Variants in RAVER2 observed in about 807,000 individuals in gnomAD.
RAVER2 encodes ribonucleoprotein, PTB binding 2.
Under a neutral mutation model 78.1 loss-of-function variants are expected in RAVER2, and 46 were observed. The observed-to-expected ratio is 0.59, with a 90% confidence interval of 0.46 to 0.75. The LOEUF is 0.75. RAVER2 is among the 30% of genes least tolerant of loss of function. RAVER2 has a pLI of 0.00. For missense variants in RAVER2, 793 were observed against 837.5 expected, an observed-to-expected ratio of 0.95 and a Z score of 0.66; for synonymous variants, 311 against 313.3, an observed-to-expected ratio of 0.99 and a Z score of 0.08.
chr1:64,780,857 G>A (rs867875673), intron 3 of RAVER2, among the ~76,000 whole-genome samples: 9 of 152,164 alleles, frequency 5.9e-5, no homozygotes, highest in African/African-American at 2.2e-4. Context: ...CTGGGACACA[G>A]TTTTCCTAAA....
At chr1:64,816,935 A>G (rs185030900) in intron 11 of RAVER2, among the ~76,000 whole-genome samples, 231 of 152,366 alleles carry the variant, frequency 1.5e-3, no homozygotes, top group Non-Finnish European at 1.5e-3. Context: ...GCTTCTGCAC[A>G]GCAAAAGAAA....
chr1:64,774,462 G>T (rs1051293260), intron 2 of RAVER2, among the ~76,000 whole-genome samples: 2 of 152,114 alleles, frequency 1.3e-5, no homozygotes, highest in African/African-American at 2.4e-5. Flanking sequence ...GTTTTGGCAG[G>T]TTTGTCAAAG....
intron 11 of RAVER2, among the ~76,000 whole-genome samples, chr1:64,822,181 G>A (rs765487624): frequency 3.3e-5 from 5 of 152,066 alleles, no homozygotes; most frequent in East Asian, 1.9e-4. Context: ...CCAGCTACTC[G>A]GGAGGCTGAG....
chr1:64,826,034 A>G (rs1054015580), intron 11 of RAVER2, among the ~76,000 whole-genome samples: 1 of 152,238 alleles, frequency 6.6e-6, no homozygotes, highest in Non-Finnish European at 1.5e-5. Flanking sequence ...TACGGTGTTC[A>G]GTTTTTCCAT....
chr1:64,814,406 CAT>C (rs1390742147), intron 10 of RAVER2, among the ~76,000 whole-genome samples: 2 of 152,040 alleles, frequency 1.3e-5, no homozygotes, highest in African/African-American at 4.8e-5. Context: ...CTCAGCCAGA[CAT>C]ATATGTTTTT....
Position 64,745,206 on chromosome 1 carries a change from G to T in RAVER2, c.34G>T (p.Gly12Trp), listed in dbSNP as rs867489141. 15 of 1,048,226 alleles carry T rather than the reference G, an allele frequency of 1.4e-5. No homozygotes were observed. The highest frequency in any genetic ancestry group is 8.8e-5 in the South Asian group (2 of 22,740). 64.9% of individuals were successfully genotyped at this position (1,048,226 alleles called of 1,614,324 possible). A position where few individuals can be genotyped will look rare whatever the true frequency, so the allele number is the denominator to read the frequency against. Residue 12 changes from glycine (G) to tryptophan (W), a missense_variant, in exon 1 of 12, where the codon GGG (glycine) becomes TGG (tryptophan). Physicochemically the swap from Gly to Trp is radical, Grantham distance 184. Transcript: ENST00000294428. The surrounding 1 kb of genome is among the most constrained non-coding windows in gnomAD (Gnocchi z 4.3). Reference sequence around the variant, plus strand: ...GGCGGCGGGAGACGGCGGCGGCGAGGGGGGCGCGGGCCTGGGCAGCGCGGC... The same window carrying T: ...GGCGGCGGGAGACGGCGGCGGCGAGTGGGGCGCGGGCCTGGGCAGCGCGGC...
At chr1:64,815,978 G>A (rs1235693780) in intron 11 of RAVER2, 2 of 152,096 alleles carry the variant, frequency 1.3e-5, no homozygotes, top group Non-Finnish European at 1.5e-5. Flanking sequence ...AACATTTGAA[G>A]TAATGACTTA....
chr1:64,814,731 A>C, exon 11 of RAVER2: 1 of 1,559,150 alleles, frequency 6.4e-7, no homozygotes, highest in Non-Finnish European at 8.7e-7. Context: ...ACTCTTCATA[A>C]GACTGGAATT....
chr1:64,788,565 G>A (rs1293576195), intron 4 of RAVER2, among the ~76,000 whole-genome samples: 1 of 150,384 alleles, frequency 6.6e-6, no homozygotes, highest in African/African-American at 2.4e-5. Flanking sequence ...AGGCCGAGGT[G>A]GTGGATCACA....
intron 11 of RAVER2, among the ~76,000 whole-genome samples, chr1:64,823,260 C>T (rs2100900530): frequency 6.6e-6 from 1 of 152,256 alleles, no homozygotes; most frequent in South Asian, 2.1e-4. Context: ...CAGATCAGAT[C>T]AGTTTTTCAA....
In RAVER2 at chr1:64,782,942, C is replaced by T. The variant is rs530196985; in HGVS notation, c.978+1371C>T. On this transcript the variant is annotated intron_variant, in intron 4 of 11. Coordinates refer to ENST00000294428, the Ensembl canonical transcript of RAVER2. ...TCCCCATCCTGTGTCCATGTGTTCT[C>T]ATTGTTCAGTTCCCACCTATGAGTG... is the stretch of plus-strand genomic sequence containing the variant. Among the ~76,000 whole-genome samples, 14 of 152,272 alleles carry T rather than the reference C, an allele frequency of 9.2e-5. No individual in the cohort carries two copies. In the East Asian group the frequency reaches 1.7e-3, roughly 19 times the overall value.
intron 1 of RAVER2, among the ~76,000 whole-genome samples, chr1:64,759,337 A>G (rs947273539): frequency 4.0e-5 from 6 of 150,940 alleles, no homozygotes; most frequent in Non-Finnish European, 7.4e-5. Flanking sequence ...CTCCTGCCTC[A>G]GCCTCTGGAG....
intron 9 of RAVER2, among the ~76,000 whole-genome samples, chr1:64,810,642 A>G (rs947179744): frequency 2.0e-5 from 3 of 152,114 alleles, no homozygotes; most frequent in African/African-American, 7.2e-5. Context: ...GTGGTGTCTC[A>G]TTGTGGTTTT....
chr1:64,794,963 T>A (rs1252150675), intron 5 of RAVER2, among the ~76,000 whole-genome samples: 1 of 152,138 alleles, frequency 6.6e-6, no homozygotes, highest in African/African-American at 2.4e-5. Flanking sequence ...TATATTTAGG[T>A]CTATGATCTA....
chr1:64,802,556 A>C (rs867000360), intron 5 of RAVER2, among the ~76,000 whole-genome samples: 4 of 152,056 alleles, frequency 2.6e-5, no homozygotes, highest in Non-Finnish European at 4.4e-5. Flanking sequence ...TTGTCTTCTC[A>C]ATTGGATTTT....
At chr1:64,826,448 C>G (rs1483318985) in intron 11 of RAVER2, among the ~76,000 whole-genome samples, 1 of 152,136 alleles carries the variant, frequency 6.6e-6, no homozygotes, top group Non-Finnish European at 1.5e-5. Flanking sequence ...GGACAGGGAA[C>G]AGCAAGTGCA....
intron 1 of RAVER2, among the ~76,000 whole-genome samples, chr1:64,749,932 G>T (rs1192899575): frequency 6.6e-6 from 1 of 151,798 alleles, no homozygotes; most frequent in East Asian, 1.9e-4. Flanking sequence ...GTTCACTTAG[G>T]TTTTTTTTCT....
chr1:64,805,253 C>A, intron 8 of RAVER2, 148 bp downstream of exon 8: 1 of 682,654 alleles, frequency 1.5e-6, no homozygotes, highest in Non-Finnish European at 2.4e-6. Context: ...CTTGGCTTTT[C>A]GATTTTCAAT....
chr1:64,825,228 G>A (rs544154628), intron 11 of RAVER2, among the ~76,000 whole-genome samples: 1 of 152,196 alleles, frequency 6.6e-6, no homozygotes, highest in South Asian at 2.1e-4. Flanking sequence ...CAGAAATAAT[G>A]ATAAAATTAA....
Sources: allele counts gnomAD v4.1 joint callset (sites outside exome capture counted in the v4.1 genomes callset), GRCh38; gene constraint gnomAD v4.1.1; non-coding constraint Gnocchi (gnomAD v3.1); transcripts MANE v1.5; gene names NCBI Gene and HGNC (gene_info 2026-07-23, HGNC 2026-07-21).